Variants in TK2 observed in about 807,000 individuals in gnomAD.
TK2 encodes the protein thymidine kinase 2.
Under a neutral mutation model 41.9 loss-of-function variants are expected in TK2, and 35 were observed. That is an observed-to-expected ratio of 0.84 (90% confidence interval 0.64 to 1.11). TK2 has a LOEUF of 1.11. TK2 is among the 50% of genes least tolerant of loss of function. TK2 has a pLI of 0.00. For synonymous variants in TK2, 128 were observed against 129.1 expected (o/e 0.99, Z 0.06); for missense variants, 320 against 351.1 (o/e 0.91, Z 0.71).
rs1028326363 is a variant in TK2 at position 66,523,406 on chromosome 16, A to G, written c.450-5529T>C. ...CCCAGTACCTGGCTGAACTCCCTGC[A>G]GGTGGGAACCAAGACACCTTATTCT... On this transcript the variant is annotated intron_variant, in intron 6 of 9. Transcript: ENST00000544898. Among the ~76,000 whole-genome samples, 3 of 152,240 alleles carry G rather than the reference A, an allele frequency of 2.0e-5. No homozygotes were observed. The South Asian group carries it at 6.2e-4, about 31-fold the overall frequency.
intron 6 of TK2, among the ~76,000 whole-genome samples, chr16:66,519,321 G>C (rs1964711036): frequency 6.6e-6 from 1 of 152,176 alleles, no homozygotes; most frequent in Admixed American, 6.5e-5. Flanking sequence ...TGGGACTACA[G>C]GTGTGCGCCA....
At chr16:66,547,721 G>C (rs970261058) in intron 2 of TK2, among the ~76,000 whole-genome samples, 2 of 151,798 alleles carry the variant, frequency 1.3e-5, no homozygotes, top group Non-Finnish European at 2.9e-5. Flanking sequence ...ACAGACCGCA[G>C]ACTCCCAAAT....
Position 66,514,865 on chromosome 16 carries a change from C to G in TK2, c.619-1054G>C, listed in dbSNP as rs1042679223. On this transcript the variant is annotated intron_variant, in intron 8 of 9. Coordinates refer to ENST00000544898, the MANE Select transcript of TK2 (RefSeq NM_004614.5). This position sits in a 1 kb window ranked among gnomAD's most constrained non-coding sequence, Gnocchi z 4.2. The stretch of plus-strand genomic sequence containing the variant: ...GGGATGCTGTTAGTCTATAACCTTA[C>G]CCCCAACCCCGTGCTCTCTGAAACG... 3.9e-5 allele frequency among the ~76,000 whole-genome samples: 6 copies of G among 152,102 alleles called. No individual in the cohort carries two copies. Among genetic ancestry groups the G allele is most frequent in the Admixed American group, 1.3e-4 (2 of 15,274 alleles).
chr16:66,548,586 C>A (rs1441603998), intron 2 of TK2: 2 of 249,892 alleles, frequency 8.0e-6, no homozygotes, highest in Admixed American at 1.0e-4. Flanking sequence ...TGCCCACCCA[C>A]CAGTCTCAAC....
At chr16:66,512,619 GA>G (rs757336888) in intron 9 of TK2, among the ~76,000 whole-genome samples, 40 of 152,000 alleles carry the variant, frequency 2.6e-4, no homozygotes, top group Non-Finnish European at 4.4e-4. Context: ...CCATCTCTAC[GA>G]AAAATATAAA....
rs1965528969 is a variant in TK2 at position 66,543,851 on chromosome 16, C to T, written c.157-1898G>A. On this transcript the variant is annotated intron_variant, in intron 2 of 9. Transcript: ENST00000544898. ...AACGGGTATCCAGGAGACACAAGGC[C>T]ACTCTCCCATCCTGGGTCCCTCCCA... is the stretch of plus-strand genomic sequence containing the variant. 1.3e-5 allele frequency among the ~76,000 whole-genome samples: 2 copies of T among 152,108 alleles called. 1 individual carries two copies. Among genetic ancestry groups the T allele is most frequent in the South Asian group, 4.1e-4 (2 of 4,824 alleles).
rs1292751226 is a variant in TK2 at position 66,517,894 on chromosome 16, A to G, written c.450-17T>C. ...ATCTTCCCACTGCAATGAGAGTTGT[A>G]AGGGCTTATTCACCTAAGAGAAAAC... On this transcript the variant is annotated splice_polypyrimidine_tract_variant and intron_variant, in intron 6 of 9. Coordinates refer to ENST00000544898, the MANE Select transcript of TK2 (RefSeq NM_004614.5). This position sits in a 1 kb window ranked among gnomAD's most constrained non-coding sequence, Gnocchi z 4.3. The G allele has an allele frequency of 1.9e-6, 3 of 1,608,786 alleles. No homozygotes were observed. Among genetic ancestry groups the G allele is most frequent in the Admixed American group, 1.7e-5 (1 of 60,026 alleles).
chr16:66,538,794 T>C (rs928700325), intron 3 of TK2, among the ~76,000 whole-genome samples: 1 of 152,096 alleles, frequency 6.6e-6, no homozygotes, highest in Non-Finnish European at 1.5e-5. Context: ...GGGAGAGTGG[T>C]CTTCCTAAAG....
chr16:66,536,933 C>T (rs749381464), intron 4 of TK2, 31 bp downstream of exon 4: 8 of 1,613,704 alleles, frequency 5.0e-6, no homozygotes, highest in Non-Finnish European at 6.8e-6. Context: ...AAGGGGAAGC[C>T]GGGGGTTCAT....
chr16:66,549,206 G>C, intron 1 of TK2, 197 bp from the exon 2 acceptor site: 8 of 1,446,266 alleles, frequency 5.5e-6, no homozygotes, highest in Non-Finnish European at 7.3e-6. Flanking sequence ...TGCAGCTGCA[G>C]CTTCGTGGAC....
At chr16:66,545,844 G>A (rs943009978) in intron 2 of TK2, among the ~76,000 whole-genome samples, 2 of 151,140 alleles carry the variant, frequency 1.3e-5, no homozygotes, top group Non-Finnish European at 3.0e-5. Flanking sequence ...AAAAAAAAAT[G>A]TGCTAAGTGA....
At chr16:66,526,583 C>G (rs1007567891) in intron 6 of TK2, among the ~76,000 whole-genome samples, 4 of 151,964 alleles carry the variant, frequency 2.6e-5, no homozygotes, top group Non-Finnish European at 5.9e-5. Flanking sequence ...GACCCTGTCT[C>G]TACAAAAAAT....
At chr16:66,549,805 C>T in intron 1 of TK2, 133 bp downstream of exon 1, 1 of 1,287,224 alleles carries the variant, frequency 7.8e-7, no homozygotes, top group East Asian at 3.2e-5. Flanking sequence ...GCCCCCGTCC[C>T]AGCCGCAGCC....
At chr16:66,549,282 G>C (rs1299641877) in intron 1 of TK2, 5 of 1,269,304 alleles carry the variant, frequency 3.9e-6, no homozygotes, top group Non-Finnish European at 4.0e-6. Flanking sequence ...TATTTATTTA[G>C]ATCTTCACAG....
At chr16:66,541,768 T>C in intron 3 of TK2, 111 bp downstream of exon 3, 1 of 1,118,426 alleles carries the variant, frequency 8.9e-7, no homozygotes, top group Non-Finnish European at 1.4e-6. Flanking sequence ...ACCTGTGGCT[T>C]GCACTTGTGG....
chr16:66,518,038 C>T lies in TK2; in HGVS notation c.450-161G>A, dbSNP rs771311521. ...TACTGGACATGCAGTGACAAGGACCCTAAGCATTCCCGACCTCCTGCTGCC... is the reference window on the plus strand; with the variant it reads ...TACTGGACATGCAGTGACAAGGACCTTAAGCATTCCCGACCTCCTGCTGCC... On this transcript the variant is annotated intron_variant, in intron 6 of 9. Coordinates refer to ENST00000544898, the MANE Select transcript of TK2 (RefSeq NM_004614.5). The T allele has an allele frequency of 3.0e-5, 21 of 702,668 alleles. 1 individual carries two copies. Among genetic ancestry groups the T allele is most frequent in the Non-Finnish European group, 5.2e-5 (20 of 384,562 alleles). 43.5% of individuals were successfully genotyped at this position (702,668 alleles called of 1,614,324 possible). A position where few individuals can be genotyped will look rare whatever the true frequency, so the allele number is the denominator to read the frequency against.
intron 6 of TK2, among the ~76,000 whole-genome samples, chr16:66,526,029 C>T (rs1230065264): frequency 1.3e-5 from 2 of 152,170 alleles, no homozygotes; most frequent in Non-Finnish European, 2.9e-5. Flanking sequence ...ACAGAACTGA[C>T]GCATCAGAAA....
rs1211156549 is a variant in TK2, at chr16:66,511,681, G to A, written c.*287C>T. ...GCACACAACAGGTGCTCTCCCTAAGGGCTTCATGAGAGCGACTCAGCAGCA... is the reference window on the plus strand; with the variant it reads ...GCACACAACAGGTGCTCTCCCTAAGAGCTTCATGAGAGCGACTCAGCAGCA... On this transcript the variant is annotated 3_prime_UTR_variant, in exon 10 of 10. Transcript: ENST00000544898. 2.8e-5 allele frequency: 14 copies of A among 500,258 alleles called. No homozygotes were observed. The East Asian group carries it at 5.1e-4, about 18-fold the overall frequency. The allele number at this position is 500,258 out of a possible 1,614,324, so 31.0% of individuals were successfully genotyped here. A position where few individuals can be genotyped will look rare whatever the true frequency, so the allele number is the denominator to read the frequency against.
At chr16:66,516,505 G>A (rs1175590291) in intron 8 of TK2, among the ~76,000 whole-genome samples, 1 of 152,194 alleles carries the variant, frequency 6.6e-6, no homozygotes, top group Non-Finnish European at 1.5e-5. Context: ...GTGGTGATGA[G>A]TATTGGAAAT....
Sources: gnomAD v4.1 joint callset for allele counts (sites outside exome capture counted in the v4.1 genomes callset) on GRCh38, gnomAD v4.1.1 for gene constraint, Gnocchi (gnomAD v3.1) non-coding constraint, MANE v1.5 for transcripts, NCBI Gene and HGNC (gene_info 2026-07-23, HGNC 2026-07-21) for gene names.